The following TMEM164 variants were observed in gnomAD, a reference collection of about 807,000 sequenced individuals.
TMEM164 encodes RP13-360B22.2.
TMEM164 carries 4 observed loss-of-function variants against 18.8 expected under a neutral mutation model. The ratio of observed to expected loss-of-function variants is 0.21; its 90% CI spans 0.10 to 0.49. The LOEUF is 0.49. Among genes scored for constraint, TMEM164 ranks in the 20% least tolerant of loss-of-function variants. The pLI, the probability that TMEM164 is intolerant of heterozygous loss-of-function variation, is 0.98. For synonymous variants in TMEM164, 86 were observed against 101.7 expected, an observed-to-expected ratio of 0.85 and a Z score of 0.93; for missense variants, 108 against 239.9, an observed-to-expected ratio of 0.45 and a Z score of 3.63.
At chrX:110,062,363 T>C (rs1936157861) in intron 2 of TMEM164, among the ~76,000 whole-genome samples, 1 of 112,025 alleles carries the variant, frequency 8.9e-6, no homozygotes, top group South Asian at 3.7e-4. Flanking sequence ...AAATTGTGTG[T>C]GTGTGTGTGT....
chrX:110,039,108 A>G (rs1934979927), intron 2 of TMEM164, among the ~76,000 whole-genome samples: 1 of 111,757 alleles, frequency 8.9e-6, no homozygotes, highest in Non-Finnish European at 1.9e-5. Context: ...GGGGATAATA[A>G]TGCTTGCCTT....
chrX:110,108,068 C>CTGTG (rs56714507), intron 3 of TMEM164, among the ~76,000 whole-genome samples: 10,206 of 46,263 alleles, frequency 0.22, 1,855 homozygotes, highest in East Asian at 0.29. Flanking sequence ...AGGAGGTATG[C>CTGTG]TGTGTGTGTG....
At chrX:110,061,728 T>TA (rs1478132135) in intron 2 of TMEM164, among the ~76,000 whole-genome samples, 4 of 111,737 alleles carry the variant, frequency 3.6e-5, no homozygotes, top group Non-Finnish European at 7.5e-5. Context: ...ATAAACTCCT[T>TA]AGACTGACAA....
intron 4 of TMEM164, among the ~76,000 whole-genome samples, chrX:110,110,348 C>T (rs1413389482): frequency 8.9e-6 from 1 of 112,234 alleles, no homozygotes; most frequent in Non-Finnish European, 1.9e-5. Context: ...TCCAGGCTCA[C>T]CTAATTAGCT....
intron 3 of TMEM164, among the ~76,000 whole-genome samples, chrX:110,103,214 G>A (rs903204211): frequency 8.9e-6 from 1 of 112,168 alleles, no homozygotes; most frequent in Non-Finnish European, 1.9e-5. Context: ...AGAGGAGAGG[G>A]TAAGGAAAAA....
At chrX:110,109,700 A>G (rs2066264540) in intron 4 of TMEM164, among the ~76,000 whole-genome samples, 1 of 111,691 alleles carries the variant, frequency 9.0e-6, no homozygotes, top group Non-Finnish European at 1.9e-5. Flanking sequence ...AGGACTTCCT[A>G]GGGCAAGAAT....
chrX:110,016,971 C>T (rs1229508210), intron 2 of TMEM164, among the ~76,000 whole-genome samples: 1 of 111,845 alleles, frequency 8.9e-6, no homozygotes, highest in Admixed American at 9.5e-5. Flanking sequence ...TTATCTAATT[C>T]TTCTTTTCTT....
chrX:110,037,241 C>G (rs142354695), intron 2 of TMEM164, among the ~76,000 whole-genome samples: 3,453 of 110,994 alleles, frequency 0.031, 129 homozygotes, highest in African/African-American at 0.11. Context: ...GTACAATAAG[C>G]TGGAATACCT....
intron 4 of TMEM164, among the ~76,000 whole-genome samples, chrX:110,117,835 A>T (rs752875642): frequency 3.6e-5 from 4 of 111,702 alleles, no homozygotes; most frequent in African/African-American, 1.3e-4. Flanking sequence ...GAGATTAAAG[A>T]TTTTCATATT....
chrX:110,003,575 C>G lies in TMEM164; in HGVS notation c.-200C>G, dbSNP rs1932481278. On this transcript the variant is annotated 5_prime_UTR_variant, in exon 2 of 7. Coordinates refer to ENST00000372068, the MANE Select transcript of TMEM164 (RefSeq NM_032227.4). The stretch of plus-strand genomic sequence containing the variant: ...AGCGCGGGGGGCTCCCCCAGACAGC[C>G]GTGGGGACAAGTTAGAGCCAGCACT... The G allele has an allele frequency of 2.4e-6, 1 of 416,301 alleles. No homozygotes were observed. The highest frequency in any genetic ancestry group is 4.8e-5 in the Admixed American group (1 of 20,735). The allele number at this position is 416,301 out of a possible 1,213,427, so 34.3% of individuals were successfully genotyped here. A position where few individuals can be genotyped will look rare whatever the true frequency, so the allele number is the denominator to read the frequency against.
chrX:110,148,480 T>C (rs1157720724), intron 5 of TMEM164, among the ~76,000 whole-genome samples: 1 of 110,897 alleles, frequency 9.0e-6, no homozygotes, highest in East Asian at 2.8e-4. Flanking sequence ...TATCAATTAA[T>C]CACTTATGTA....
Position 110,175,824 on chromosome X carries a change from A to T in TMEM164, c.*2373A>T. 2 of 755,514 alleles carry T rather than the reference A, an allele frequency of 2.6e-6. No homozygotes were observed. The highest frequency in any genetic ancestry group is 3.1e-6 in the Non-Finnish European group (2 of 639,804). 62.3% of individuals were successfully genotyped at this position (755,514 alleles called of 1,213,427 possible). On this transcript the variant is annotated 3_prime_UTR_variant, in exon 7 of 7. Transcript: ENST00000372068. ...GCATAAGGCATCTGAACTGGTCCAG[A>T]TCTCACTCTTATCTTGGGCCAAGCC... is the stretch of plus-strand genomic sequence containing the variant.
intron 2 of TMEM164, among the ~76,000 whole-genome samples, chrX:110,004,848 C>A (rs1245379713): frequency 8.9e-6 from 1 of 112,097 alleles, no homozygotes; most frequent in African/African-American, 3.3e-5. Context: ...CTATTACTGT[C>A]ATTCTGTCTC....
chrX:110,171,594 C>T, intron 6 of TMEM164, 74 bp downstream of exon 6: 1 of 843,686 alleles, frequency 1.2e-6, no homozygotes. Context: ...CTGGTTGGTG[C>T]TGACGTATCA....
chrX:110,089,728 T>C (rs1382193033), intron 3 of TMEM164, among the ~76,000 whole-genome samples: 1 of 112,115 alleles, frequency 8.9e-6, no homozygotes. Context: ...ATTAGAGTTA[T>C]AGTTGCGGTT....
intron 2 of TMEM164, among the ~76,000 whole-genome samples, chrX:110,009,958 A>C (rs1423481795): frequency 6.5e-5 from 7 of 108,075 alleles, no homozygotes; most frequent in South Asian, 4.2e-4. Context: ...CCGCCACTGC[A>C]CTCCAGCCTG....
chrX:110,092,423 A>T (rs1182850477), intron 3 of TMEM164, among the ~76,000 whole-genome samples: 2 of 111,769 alleles, frequency 1.8e-5, no homozygotes, highest in Non-Finnish European at 3.8e-5. Context: ...GAGGTCCTTC[A>T]CATCCCTTGT....
intron 2 of TMEM164, among the ~76,000 whole-genome samples, chrX:110,058,414 A>G (rs896965558): frequency 2.8e-5 from 3 of 108,979 alleles, no homozygotes; most frequent in Non-Finnish European, 3.8e-5. Context: ...TACAGTTTCT[A>G]TCTTTTTATT....
intron 2 of TMEM164, among the ~76,000 whole-genome samples, chrX:110,018,655 A>T (rs1171453951): frequency 8.9e-6 from 1 of 112,148 alleles, no homozygotes; most frequent in Non-Finnish European, 1.9e-5. Flanking sequence ...CTGTTTTCTT[A>T]TCTGCAAAAT....
Sources: gnomAD v4.1 joint callset for allele counts (sites outside exome capture counted in the v4.1 genomes callset) on GRCh38, gnomAD v4.1.1 for gene constraint, MANE v1.5 for transcripts, NCBI Gene and HGNC (gene_info 2026-07-23, HGNC 2026-07-21) for gene names.